Variants in DYSF observed in about 807,000 individuals in gnomAD.
DYSF encodes dystrophy-associated fer-1-like 1.
In DYSF, 212 loss-of-function variants were observed where a neutral mutation model predicts 274.9. That is an observed-to-expected ratio of 0.77 (90% confidence interval 0.69 to 0.86). The LOEUF (loss-of-function observed/expected upper bound fraction) is 0.86. DYSF is among the 40% of genes least tolerant of loss of function. The pLI, the probability that DYSF is intolerant of heterozygous loss-of-function variation, is 0.00. For synonymous variants in DYSF, 1,091 were observed against 1,078.7 expected, an observed-to-expected ratio of 1.01 and a Z score of -0.22; for missense variants, 2,666 against 2,783.2, an observed-to-expected ratio of 0.96 and a Z score of 0.95.
chr2:71,478,272 T>C lies in DYSF; in HGVS notation c.92-2611T>C, dbSNP rs560831915. On this transcript the variant is annotated intron_variant, in intron 1 of 55. Coordinates refer to ENST00000410020, the MANE Select transcript of DYSF (RefSeq NM_001130987.2). ...TGTCGCCCAGGCTGGAGTGCAGTGGTGCCATCTCGGCTCACTGCAAGCCCC... is the reference window on the plus strand; with the variant it reads ...TGTCGCCCAGGCTGGAGTGCAGTGGCGCCATCTCGGCTCACTGCAAGCCCC... 3.4e-3 allele frequency among the ~76,000 whole-genome samples: 514 copies of C among 150,462 alleles called. 2 individuals are homozygous for C. The highest frequency in any genetic ancestry group is 0.01 in the African/African-American group (417 of 40,934).
At position 71,601,111 on chromosome 2, in the gene DYSF, C is replaced by G. The variant is rs17007090; in HGVS notation, c.3897+269C>G. 6.1e-3 allele frequency among the ~76,000 whole-genome samples: 930 copies of G among 152,322 alleles called. 22 individuals are homozygous for G. The highest frequency in any genetic ancestry group is 0.025 in the Admixed American group (383 of 15,302). ...GACCTCTGTGGTCTGATTAAGGGAG[C>G]CTTAATTGCCACAATGTGAGGGACT... On this transcript the variant is annotated intron_variant, in intron 34 of 55. Coordinates refer to ENST00000410020, the MANE Select transcript of DYSF (RefSeq NM_001130987.2).
chr2:71,651,943 A>G (rs1363643130), intron 42 of DYSF, among the ~76,000 whole-genome samples: 1 of 152,204 alleles, frequency 6.6e-6, no homozygotes, highest in Non-Finnish European at 1.5e-5. Flanking sequence ...TTTAATATCT[A>G]TTGATGATTT....
chr2:71,510,576 G>A (rs2085988044), intron 4 of DYSF, among the ~76,000 whole-genome samples: 2 of 152,164 alleles, frequency 1.3e-5, no homozygotes, highest in African/African-American at 2.4e-5. Flanking sequence ...TCTCCTTAGT[G>A]TGGCTGTCCC....
At chr2:71,486,850 A>C (rs892069423) in intron 3 of DYSF, among the ~76,000 whole-genome samples, 1 of 152,212 alleles carries the variant, frequency 6.6e-6, no homozygotes, top group Non-Finnish European at 1.5e-5. Flanking sequence ...GCTGCACTGG[A>C]CAATTTCCTG....
intron 45 of DYSF, among the ~76,000 whole-genome samples, chr2:71,662,101 C>A (rs2152945629): frequency 6.6e-6 from 1 of 152,332 alleles, no homozygotes; most frequent in Non-Finnish European, 1.5e-5. Context: ...CCCCATCTCC[C>A]CCCAATCCTG....
intron 3 of DYSF, among the ~76,000 whole-genome samples, chr2:71,493,040 T>C (rs1475544936): frequency 6.9e-6 from 1 of 145,624 alleles, no homozygotes; most frequent in Admixed American, 7.2e-5. Flanking sequence ...AGCCACCTCG[T>C]CTGGCTAATT....
At chr2:71,527,590 T>C (rs137983004) in intron 13 of DYSF, among the ~76,000 whole-genome samples, 1 of 50,588 alleles carries the variant, frequency 2.0e-5, no homozygotes, top group Non-Finnish European at 4.7e-5. Context: ...CAACGTTGTT[T>C]GAAAAAAACA....
intron 14 of DYSF, among the ~76,000 whole-genome samples, chr2:71,531,015 A>G (rs1163721950): frequency 6.6e-6 from 1 of 151,906 alleles, no homozygotes; most frequent in Non-Finnish European, 1.5e-5. Context: ...TGTGCACTTC[A>G]TGGTATGGAA....
chr2:71,506,781 C>T (rs1173580524), intron 4 of DYSF, among the ~76,000 whole-genome samples: 3 of 152,108 alleles, frequency 2.0e-5, no homozygotes, highest in Non-Finnish European at 4.4e-5. Context: ...TATTCACCAT[C>T]AGATCCTGAA....
chr2:71,568,023 G>C lies in DYSF; in HGVS notation c.2638G>C (p.Val880Leu). 6.2e-7 allele frequency: 1 copy of C among 1,614,192 alleles called. No homozygotes were observed. Among genetic ancestry groups the C allele is most frequent in the South Asian group, 1.1e-5 (1 of 91,080 alleles). Reference protein sequence around the residue: ...IRVKLWFGLSVDEKEFNQFAE... With the variant: ...IRVKLWFGLSLDEKEFNQFAE... ...GGTCAAGCTGTGGTTTGGGCTCTCAGTGGATGAGAAGGAGTTCAACCAGTT... is the reference window on the plus strand; with the variant it reads ...GGTCAAGCTGTGGTTTGGGCTCTCACTGGATGAGAAGGAGTTCAACCAGTT... Residue 880 changes from valine to leucine, a missense_variant, in exon 25 of 56, where the codon GTG (valine) becomes CTG (leucine). Coordinates refer to ENST00000410020, the MANE Select transcript of DYSF (RefSeq NM_001130987.2).
intron 24 of DYSF, 82 bp downstream of exon 24, chr2:71,564,295 G>C (rs2091956991): frequency 1.3e-6 from 2 of 1,566,940 alleles, no homozygotes; most frequent in Admixed American, 3.4e-5. Context: ...TTCCCCTCCT[G>C]TTCTTGACCT....
intron 1 of DYSF, among the ~76,000 whole-genome samples, chr2:71,475,421 G>T (rs909240847): frequency 6.6e-6 from 1 of 152,242 alleles, no homozygotes; most frequent in African/African-American, 2.4e-5. Context: ...TCCCAGCCCA[G>T]TTGGGGGTTC....
chr2:71,472,196 T>G (rs2082083230), intron 1 of DYSF, among the ~76,000 whole-genome samples: 1 of 152,206 alleles, frequency 6.6e-6, no homozygotes, highest in South Asian at 2.1e-4. Context: ...TGACTACATC[T>G]TTGGCCACAT....
chr2:71,617,641 AGGT>A (rs1472809935), intron 40 of DYSF, among the ~76,000 whole-genome samples: 110 of 110,544 alleles, frequency 1.0e-3, no homozygotes, highest in Middle Eastern at 6.1e-3. Flanking sequence ...TGTGTGGCAG[AGGT>A]GGTGTGTGTG....
At chr2:71,612,284 C>G in intron 38 of DYSF, among the ~76,000 whole-genome samples, 1 of 152,160 alleles carries the variant, frequency 6.6e-6, no homozygotes, top group East Asian at 1.9e-4. Flanking sequence ...TGTAAGCCAA[C>G]TCTTGAGTAT....
intron 36 of DYSF, among the ~76,000 whole-genome samples, chr2:71,607,354 T>C (rs1489746367): frequency 1.1e-4 from 16 of 152,130 alleles, no homozygotes; most frequent in Admixed American, 9.8e-4. Context: ...TCATCACTAC[T>C]TGGGGTCATC....
chr2:71,537,525 C>T (rs531864310), intron 16 of DYSF, among the ~76,000 whole-genome samples: 1 of 152,160 alleles, frequency 6.6e-6, no homozygotes, highest in Admixed American at 6.5e-5. Flanking sequence ...GGATTATGGG[C>T]GTGAGCCACC....
At chr2:71,596,505 C>T (rs1376326263) in intron 32 of DYSF, among the ~76,000 whole-genome samples, 1 of 152,164 alleles carries the variant, frequency 6.6e-6, no homozygotes, top group Non-Finnish European at 1.5e-5. Flanking sequence ...AGGTTCTCTG[C>T]CGAGCTTGGA....
Position 71,569,924 on chromosome 2 carries a change from A to G in DYSF, c.2969A>G (p.Tyr990Cys), listed in dbSNP as rs2092325754. Reference protein sequence around the residue: ...GGQWIYMSDNYTDVNGEKVLP... With the variant: ...GGQWIYMSDNCTDVNGEKVLP... ...CAGTGGATCTACATGAGTGACAACT[A>G]CACCGATGTGGTAAAGCAGGCACTC... The change falls in exon 27 of 56, where the codon TAC becomes TGC. Residue 990 changes from tyrosine to cysteine, a missense_variant. Around this residue, in one of 3 missense-constraint regions of DYSF, gnomAD observed 1,460 missense variants for 1,502.1 expected, o/e 0.97. Transcript: ENST00000410020. 6.2e-7 allele frequency: 1 copy of G among 1,613,964 alleles called. No individual in the cohort carries two copies. The highest frequency in any genetic ancestry group is 8.5e-7 in the Non-Finnish European group (1 of 1,179,902).
Sources: allele counts gnomAD v4.1 joint callset (sites outside exome capture counted in the v4.1 genomes callset), GRCh38; gene constraint gnomAD v4.1.1; regional missense constraint gnomAD v4.1.1; transcripts MANE v1.5; gene names NCBI Gene and HGNC (gene_info 2026-07-23, HGNC 2026-07-21).